Variants in ROBO1 observed in about 807,000 individuals in gnomAD.
ROBO1 encodes the protein roundabout guidance receptor 1, also known as roundabout homolog 1.
ROBO1 carries 149 observed loss-of-function variants against 195.9 expected under a neutral mutation model. The ratio of observed to expected loss-of-function variants is 0.76; its 90% CI spans 0.67 to 0.87. The LOEUF (loss-of-function observed/expected upper bound fraction) is 0.87, where lower values mean the gene tolerates loss of function less well. Among genes scored for constraint, ROBO1 ranks in the 40% least tolerant of loss-of-function variants. The pLI is 0.00. For missense variants in ROBO1, 1,933 were observed against 2,068.3 expected, an observed-to-expected ratio of 0.93 and a Z score of 1.27; for synonymous variants, 816 against 733.2, an observed-to-expected ratio of 1.11 and a Z score of -1.82.
chr3:78,853,885 C>T (rs1331191868), intron 4 of ROBO1, among the ~76,000 whole-genome samples: 2 of 152,020 alleles, frequency 1.3e-5, no homozygotes, highest in South Asian at 4.2e-4. Flanking sequence ...CATATAAAAC[C>T]ATCAGATCTC....
rs371924105 is a variant in ROBO1 at position 79,470,409 on chromosome 3, G to A, written c.88+119415C>T. On this transcript the variant is annotated intron_variant, in intron 2 of 30. Coordinates refer to ENST00000464233, the MANE Select transcript of ROBO1 (RefSeq NM_002941.4). ...GGAACATCACATACTGGGGCCTGTC[G>A]TGGGGCATGGGGAGGGAGGAGGGAT... 2.6e-4 allele frequency among the ~76,000 whole-genome samples: 39 copies of A among 152,258 alleles called. No individual in the cohort carries two copies. The South Asian group carries it at 5.8e-3, about 23-fold the overall frequency.
chr3:79,520,409 A>G (rs1198534635), intron 2 of ROBO1, among the ~76,000 whole-genome samples: 2 of 152,140 alleles, frequency 1.3e-5, no homozygotes, highest in African/African-American at 2.4e-5. Flanking sequence ...TAGAGTACAA[A>G]TTTTCTGGCC....
intron 1 of ROBO1, among the ~76,000 whole-genome samples, chr3:79,610,281 TAGGTA>T (rs1944616956): frequency 6.6e-6 from 1 of 151,818 alleles, no homozygotes; most frequent in South Asian, 2.1e-4. Flanking sequence ...ATTTATAAAG[TAGGTA>T]CAATATGATA....
intron 2 of ROBO1, among the ~76,000 whole-genome samples, chr3:79,422,200 T>C (rs13063770): frequency 6.7e-6 from 1 of 148,568 alleles, no homozygotes; most frequent in Admixed American, 6.8e-5. Context: ...ATATATTTTG[T>C]ATCATATTAT....
intron 8 of ROBO1, among the ~76,000 whole-genome samples, chr3:78,697,523 G>A (rs1410410600): frequency 2.6e-5 from 4 of 151,984 alleles, no homozygotes; most frequent in Non-Finnish European, 5.9e-5. Flanking sequence ...GATGATAATC[G>A]GCCTAAATAA....
At chr3:78,816,067 G>T (rs1442506533) in intron 4 of ROBO1, among the ~76,000 whole-genome samples, 1 of 152,152 alleles carries the variant, frequency 6.6e-6, no homozygotes, top group Non-Finnish European at 1.5e-5. Flanking sequence ...TTTCATTGTT[G>T]TAGAGATGAC....
intron 2 of ROBO1, among the ~76,000 whole-genome samples, chr3:79,252,941 T>C (rs975332939): frequency 1.3e-5 from 2 of 152,138 alleles, no homozygotes; most frequent in African/African-American, 2.4e-5. Flanking sequence ...CCTGAACCCA[T>C]TGGACCATAA....
intron 1 of ROBO1, among the ~76,000 whole-genome samples, chr3:79,744,048 A>T (rs1180835621): frequency 6.6e-6 from 1 of 152,186 alleles, no homozygotes; most frequent in African/African-American, 2.4e-5. Context: ...GTCATTTATT[A>T]TCAAGTATTC....
At chr3:79,288,840 G>C (rs1003900186) in intron 2 of ROBO1, among the ~76,000 whole-genome samples, 2 of 151,860 alleles carry the variant, frequency 1.3e-5, no homozygotes, top group African/African-American at 4.8e-5. Context: ...AAAGTGTGTA[G>C]AACCCAAATA....
In ROBO1 at chr3:79,418,629, C is replaced by T. The variant is rs1013050526; in HGVS notation, c.88+171195G>A. On this transcript the variant is annotated intron_variant, in intron 2 of 30. Transcript: ENST00000464233. The stretch of plus-strand genomic sequence containing the variant: ...CACTGTTTATTTAAATTGGGCACCA[C>T]GGTGTAAAACAGGCTACTAGCAGGC... Among the ~76,000 whole-genome samples the T allele has an allele frequency of 3.3e-5, 5 of 152,174 alleles. No individual in the cohort carries two copies. In the South Asian group the frequency reaches 1.0e-3, roughly 32 times the overall value.
chr3:79,098,643 T>A (rs2079615245), intron 3 of ROBO1, among the ~76,000 whole-genome samples: 1 of 151,860 alleles, frequency 6.6e-6, no homozygotes, highest in Admixed American at 6.6e-5. Context: ...AGATGAAATA[T>A]TTTATGTAGT....
Position 79,023,661 on chromosome 3 carries a change from A to G in ROBO1, c.173-84734T>C, listed in dbSNP as rs1011379783. 1.4e-5 allele frequency among the ~76,000 whole-genome samples: 2 copies of G among 145,036 alleles called. 1 individual carries two copies. The highest frequency in any genetic ancestry group is 6.6e-3 in the Middle Eastern group (2 of 302). On this transcript the variant is annotated intron_variant, in intron 3 of 30. Coordinates refer to ENST00000464233, the MANE Select transcript of ROBO1 (RefSeq NM_002941.4). ...TTACTTAAAGACTTCAGGCACTGTAAATAGGGCCAATTTTTTTTTTTTTTT... is the reference window on the plus strand; with the variant it reads ...TTACTTAAAGACTTCAGGCACTGTAGATAGGGCCAATTTTTTTTTTTTTTT...
At chr3:79,511,152 G>T (rs1940683002) in intron 2 of ROBO1, among the ~76,000 whole-genome samples, 1 of 152,088 alleles carries the variant, frequency 6.6e-6, no homozygotes, top group South Asian at 2.1e-4. Context: ...GTATAATCAA[G>T]AAAACACACA....
At chr3:78,704,354 T>G (rs111845197) in intron 8 of ROBO1, among the ~76,000 whole-genome samples, 140 of 152,234 alleles carry the variant, frequency 9.2e-4, no homozygotes, top group African/African-American at 3.0e-3. Context: ...AAAAATCCTA[T>G]GGATCTCACA....
rs1707822507 is a variant in ROBO1, at chr3:78,667,819, G to T, written c.1966+64C>A. 1.6e-5 allele frequency: 23 copies of T among 1,480,318 alleles called. No homozygotes were observed. In the South Asian group the frequency reaches 2.8e-4, roughly 18 times the overall value. 91.7% of individuals were successfully genotyped at this position (1,480,318 alleles called of 1,614,324 possible). A position where few individuals can be genotyped will look rare whatever the true frequency, so the allele number is the denominator to read the frequency against. On this transcript the variant is annotated intron_variant, in intron 14 of 30. Transcript: ENST00000464233. ...TTCTAGCATGTAGCACAAGTGATTTGTCAGTGCAATTATAACATCTAAGGA... is the reference window on the plus strand; with the variant it reads ...TTCTAGCATGTAGCACAAGTGATTTTTCAGTGCAATTATAACATCTAAGGA...
intron 4 of ROBO1, among the ~76,000 whole-genome samples, chr3:78,934,794 GAC>G (rs200128007): frequency 2.0e-5 from 3 of 151,188 alleles, no homozygotes; most frequent in Non-Finnish European, 3.0e-5. Context: ...TACACACATA[GAC>G]ACACACACAC....
intron 1 of ROBO1, among the ~76,000 whole-genome samples, chr3:79,719,392 A>C (rs1702611402): frequency 6.6e-6 from 1 of 152,134 alleles, no homozygotes; most frequent in South Asian, 2.1e-4. Flanking sequence ...ACCATATATA[A>C]TTATTCTGAG....
At chr3:79,486,536 C>A (rs1010105477) in intron 2 of ROBO1, among the ~76,000 whole-genome samples, 1 of 152,098 alleles carries the variant, frequency 6.6e-6, no homozygotes, top group African/African-American at 2.4e-5. Context: ...GCCTACTTTT[C>A]TAATATAGCT....
At chr3:79,705,687 C>G (rs1305252583) in intron 1 of ROBO1, among the ~76,000 whole-genome samples, 1 of 151,998 alleles carries the variant, frequency 6.6e-6, no homozygotes, top group Non-Finnish European at 1.5e-5. Context: ...CATATAAACC[C>G]TAGAATAAGT....
Sources: gnomAD v4.1 joint callset for allele counts (sites outside exome capture counted in the v4.1 genomes callset) on GRCh38, gnomAD v4.1.1 for gene constraint, MANE v1.5 for transcripts, NCBI Gene and HGNC (gene_info 2026-07-23, HGNC 2026-07-21) for gene names.